PRKCZ: variants seen among roughly 807,000 people sequenced by gnomAD.
PRKCZ encodes the protein protein kinase C zeta, also known as protein kinase C zeta type.
Under a neutral mutation model 79.5 loss-of-function variants are expected in PRKCZ, and 33 were observed. That is an observed-to-expected ratio of 0.41 (90% CI 0.31 to 0.55). The LOEUF (loss-of-function observed/expected upper bound fraction) is 0.55. Among genes scored for constraint, PRKCZ ranks in the 20% least tolerant of loss-of-function variants. The probability of loss-of-function intolerance (pLI) is 0.19; values close to 1 mark genes in which losing one functional copy is unlikely to be tolerated. For missense variants in PRKCZ, 578 were observed against 813.5 expected, an observed-to-expected ratio of 0.71 and a Z score of 3.52; for synonymous variants, 342 against 320.9, an observed-to-expected ratio of 1.07 and a Z score of -0.70.
chr1:2,144,168 C>T (rs757973705), intron 5 of PRKCZ, 42 bp from the exon 6 acceptor site: 149 of 1,544,706 alleles, frequency 9.6e-5, no homozygotes, highest in Non-Finnish European at 1.3e-4. Flanking sequence ...TCCGCTGGCC[C>T]CTCAGTGTGG....
At chr1:2,054,899 A>G (rs976959175) in intron 1 of PRKCZ, among the ~76,000 whole-genome samples, 1 of 149,002 alleles carries the variant, frequency 6.7e-6, no homozygotes, top group East Asian at 2.0e-4. Flanking sequence ...CCAGCCAGGT[A>G]GGTCGCGCTT....
intron 9 of PRKCZ, 64 bp downstream of exon 9, chr1:2,151,042 G>C (rs1477111778): frequency 1.3e-6 from 2 of 1,567,492 alleles, no homozygotes; most frequent in African/African-American, 1.4e-5. Flanking sequence ...CCTCCTCCGG[G>C]CTTTAGCGGA....
At chr1:2,093,644 G>A (rs906609591) in intron 4 of PRKCZ, among the ~76,000 whole-genome samples, 5 of 152,104 alleles carry the variant, frequency 3.3e-5, no homozygotes, top group African/African-American at 9.7e-5. Flanking sequence ...GTTGGTGCGG[G>A]GCCGCTGGGA....
intron 11 of PRKCZ, 56 bp from the exon 12 acceptor site, chr1:2,171,999 T>A: frequency 2.6e-6 from 4 of 1,536,404 alleles, no homozygotes; most frequent in Non-Finnish European, 3.5e-6. Context: ...AGGCTGGAGC[T>A]GTTGGCGCAG....
chr1:2,062,322 G>A (rs1660759599), intron 4 of PRKCZ, among the ~76,000 whole-genome samples: 2 of 152,014 alleles, frequency 1.3e-5, no homozygotes, highest in Admixed American at 1.3e-4. Flanking sequence ...GATTCTGGAC[G>A]TTTGGTGTCC....
intron 1 of PRKCZ, among the ~76,000 whole-genome samples, chr1:2,052,443 C>T (rs1452212104): frequency 6.6e-6 from 1 of 151,246 alleles, no homozygotes; most frequent in Non-Finnish European, 1.5e-5. Flanking sequence ...TTCCTCCCTC[C>T]TTCCCTGTTG....
At chr1:2,150,002 C>G (rs973251999) in intron 8 of PRKCZ, among the ~76,000 whole-genome samples, 5 of 119,576 alleles carry the variant, frequency 4.2e-5, no homozygotes, top group Admixed American at 8.6e-5. Context: ...ACTAAAAATA[C>G]AAAAAAAAAA....
At chr1:2,085,930 C>T (rs2102432793) in intron 4 of PRKCZ, among the ~76,000 whole-genome samples, 1 of 152,216 alleles carries the variant, frequency 6.6e-6, no homozygotes, top group Non-Finnish European at 1.5e-5. Context: ...TCTCTCGCTC[C>T]CTTCTCCTGT....
At chr1:2,104,908 T>C in intron 4 of PRKCZ, 8 of 985,446 alleles carry the variant, frequency 8.1e-6, no homozygotes, top group Non-Finnish European at 9.6e-6. Flanking sequence ...GAGTAGCCTT[T>C]ATTCTTCACA....
chr1:2,161,133 C>T (rs1682199890), intron 10 of PRKCZ, among the ~76,000 whole-genome samples: 1 of 152,240 alleles, frequency 6.6e-6, no homozygotes. Flanking sequence ...GAGATCCTGA[C>T]TGACACCCGT....
intron 4 of PRKCZ, among the ~76,000 whole-genome samples, chr1:2,120,071 G>T (rs539967803): frequency 6.6e-6 from 1 of 152,084 alleles, no homozygotes; most frequent in Admixed American, 6.5e-5. Flanking sequence ...GGCTTGGAGT[G>T]TTTGTCATTT....
rs1679363813 is a variant in PRKCZ, at chr1:2,149,307, C to T, written c.687+383C>T. 6.6e-6 allele frequency among the ~76,000 whole-genome samples: 1 copy of T among 152,166 alleles called. No homozygotes were observed. The highest frequency in any genetic ancestry group is 2.4e-5 in the African/African-American group (1 of 41,428). ...GCCTCATTTGGCCATCCTGGCAAAC[C>T]CTCTGAAGCCCTTTCATGTCCTTCC... On this transcript the variant is annotated intron_variant, in intron 8 of 17. Coordinates refer to ENST00000378567, the MANE Select transcript of PRKCZ (RefSeq NM_002744.6). The surrounding 1 kb of genome is among the most constrained non-coding windows in gnomAD (Gnocchi z 4.1).
At chr1:2,182,279 G>A in intron 16 of PRKCZ, 1 of 173,832 alleles carries the variant, frequency 5.8e-6, no homozygotes, top group Non-Finnish European at 1.2e-5. Flanking sequence ...GCCTCGAGCT[G>A]AGGCCCAGCC....
At position 2,125,929 on chromosome 1, in the gene PRKCZ, C is replaced by T. The variant is rs544281660; in HGVS notation, c.335-9333C>T. ...TTTCCATGGAGCACGGTTCCTGTCC[C>T]GGGGGTCCATATTGGCCACTGTGGG... On this transcript the variant is annotated intron_variant, in intron 4 of 17. Coordinates refer to ENST00000378567, the MANE Select transcript of PRKCZ (RefSeq NM_002744.6). This position sits in a 1 kb window ranked among gnomAD's most constrained non-coding sequence, Gnocchi z 4.2. Among the ~76,000 whole-genome samples, 32 of 152,292 alleles carry T rather than the reference C, an allele frequency of 2.1e-4. No individual in the cohort carries two copies. The South Asian group carries it at 4.8e-3, about 23-fold the overall frequency.
At chr1:2,161,148 C>T (rs1682204421) in intron 10 of PRKCZ, among the ~76,000 whole-genome samples, 1 of 152,248 alleles carries the variant, frequency 6.6e-6, no homozygotes, top group African/African-American at 2.4e-5. Context: ...ACCCGTAGGG[C>T]CCAGCGTGGG....
Position 2,178,434 on chromosome 1 carries a change from CAGT to C in PRKCZ, c.1575+3122_1575+3124del, listed in dbSNP as rs1685905570. Among the ~76,000 whole-genome samples the C allele has an allele frequency of 6.6e-6, 1 of 152,246 alleles. No individual in the cohort carries two copies. The highest frequency in any genetic ancestry group is 2.4e-5 in the African/African-American group (1 of 41,468). ...GAGACTGCACCTCTGCATCCGTCCT[CAGT>C]GGACATAGGGTGGCCTCCACTTTCT... On this transcript the variant is annotated intron_variant, in intron 16 of 17. Transcript: ENST00000378567. The surrounding 1 kb of genome is among the most constrained non-coding windows in gnomAD (Gnocchi z 4.3).
chr1:2,069,826 C>T (rs1399303619), intron 4 of PRKCZ, among the ~76,000 whole-genome samples: 1 of 152,198 alleles, frequency 6.6e-6, no homozygotes, highest in African/African-American at 2.4e-5. Flanking sequence ...ATTTCTGCTG[C>T]TGCTGCAATC....
intron 4 of PRKCZ, among the ~76,000 whole-genome samples, chr1:2,066,925 CCTT>C (rs1389301995): frequency 6.6e-6 from 1 of 152,150 alleles, no homozygotes; most frequent in Non-Finnish European, 1.5e-5. Context: ...TAAATTTTCT[CCTT>C]AGCATTGCTT....
chr1:2,159,895 A>G (rs898822220), intron 10 of PRKCZ, among the ~76,000 whole-genome samples: 2 of 152,196 alleles, frequency 1.3e-5, no homozygotes, highest in Non-Finnish European at 2.9e-5. Flanking sequence ...CCAGGTAACT[A>G]GAGATTTAGC....
Sources: allele counts gnomAD v4.1 joint callset (sites outside exome capture counted in the v4.1 genomes callset), GRCh38; gene constraint gnomAD v4.1.1; non-coding constraint Gnocchi (gnomAD v3.1); transcripts MANE v1.5; gene names NCBI Gene and HGNC (gene_info 2026-07-23, HGNC 2026-07-21).